The following PAXIP1 variants were observed in gnomAD, a reference collection of about 807,000 sequenced individuals.
PAXIP1 encodes the protein PAX interacting protein 1.
In PAXIP1, 19 loss-of-function variants were observed where a neutral mutation model predicts 140.6. The ratio of observed to expected loss-of-function variants is 0.14; its 90% confidence interval spans 0.09 to 0.20. The LOEUF (loss-of-function observed/expected upper bound fraction) is 0.20, where lower values mean the gene tolerates loss of function less well. Among genes scored for constraint, PAXIP1 ranks in the 10% least tolerant of loss-of-function variants. The pLI is 1.00. For synonymous variants in PAXIP1, 442 were observed against 444.6 expected (o/e 0.99, Z 0.07); for missense variants, 920 against 1,208.6 (o/e 0.76, Z 3.54).
rs1218197104 is a variant in PAXIP1 at position 154,977,624 on chromosome 7, TGGGA to T, written c.439-1297_439-1294del. 3.3e-5 allele frequency among the ~76,000 whole-genome samples: 5 copies of T among 152,300 alleles called. No individual in the cohort carries two copies. The East Asian group carries it at 9.7e-4, about 29-fold the overall frequency. The stretch of plus-strand genomic sequence containing the variant: ...TTAAAATATAAGAAAAACCTAGTCA[TGGGA>T]GACACCCATGAATAAGAAGCTAAGC... On this transcript the variant is annotated intron_variant, in intron 5 of 20. Transcript: ENST00000404141.
intron 2 of PAXIP1, among the ~76,000 whole-genome samples, chr7:154,996,512 G>A (rs971247559): frequency 3.3e-5 from 5 of 152,250 alleles, no homozygotes; most frequent in African/African-American, 1.2e-4. Flanking sequence ...ACTTTCCCAG[G>A]AATATGAATA....
At chr7:154,985,276 T>G (rs1286371324) in intron 4 of PAXIP1, among the ~76,000 whole-genome samples, 1 of 152,192 alleles carries the variant, frequency 6.6e-6, no homozygotes, top group African/African-American at 2.4e-5. Context: ...AGTGCTTTTC[T>G]TTTTTAAAAA....
Position 154,946,992 on chromosome 7 carries a change from A to C in PAXIP1, c.2923-179T>G, listed in dbSNP as rs1808012424. ...AGTGGAAGAGGAATCCAGCTATGTA[A>C]ATTTGGAATGTAAGCATTTTCACAT... On this transcript the variant is annotated intron_variant, in intron 17 of 20. Transcript: ENST00000404141. The surrounding 1 kb of genome is among the most constrained non-coding windows in gnomAD (Gnocchi z 4.9). The C allele has an allele frequency of 5.9e-6, 3 of 509,002 alleles. No homozygotes were observed. Among genetic ancestry groups the C allele is most frequent in the Non-Finnish European group, 6.9e-6 (2 of 289,260 alleles). The allele number at this position is 509,002 out of a possible 1,614,324, so 31.5% of individuals were successfully genotyped here.
Position 154,946,777 on chromosome 7 carries a change from T to C in PAXIP1, c.2959A>G (p.Ser987Gly). 1 of 1,610,678 alleles carries C rather than the reference T, an allele frequency of 6.2e-7. No homozygotes were observed. Residue 987 changes from serine to glycine, a missense_variant, in exon 18 of 21, where the codon AGT (serine) becomes GGT (glycine). Ser to Gly is a moderately conservative substitution (Grantham distance 56). This residue lies in a region of PAXIP1 where 303 missense variants were observed against 517.9 expected (regional missense o/e 0.59). Transcript: ENST00000404141. The surrounding 1 kb of genome is among the most constrained non-coding windows in gnomAD (Gnocchi z 4.9). ...ACGATTGCCTTCATAGTGGAAAGAC[T>C]TGGGCAGATTCCAGGTGTGATGTAA... ...YFYITPGICP[S>G]LSTMKAIVEC...
intron 5 of PAXIP1, 79 bp from the exon 6 acceptor site, chr7:154,976,410 AACTC>A (rs1467105503): frequency 3.3e-6 from 5 of 1,504,256 alleles, no homozygotes; most frequent in Admixed American, 2.3e-5. Flanking sequence ...TTTTAGAAAA[AACTC>A]AGTCAAGGAA....
intron 3 of PAXIP1, among the ~76,000 whole-genome samples, chr7:154,993,135 G>A (rs1002891316): frequency 5.9e-5 from 9 of 152,262 alleles, no homozygotes; most frequent in Middle Eastern, 3.4e-3. Flanking sequence ...GTAAACAGGA[G>A]GCCTGTAGAA....
chr7:154,967,577 T>C (rs1809078563), intron 8 of PAXIP1: 2 of 485,968 alleles, frequency 4.1e-6, no homozygotes, highest in African/African-American at 1.9e-5. Flanking sequence ...TAGTGCCCCC[T>C]GGAATTTCCA....
Position 154,986,138 on chromosome 7 carries a change from T to C in PAXIP1, c.325-2806A>G. On this transcript the variant is annotated intron_variant, in intron 4 of 20. Coordinates refer to ENST00000404141, the MANE Select transcript of PAXIP1 (RefSeq NM_007349.4). This position sits in a 1 kb window ranked among gnomAD's most constrained non-coding sequence, Gnocchi z 4.8. Reference sequence around the variant, plus strand: ...CTTCCCTACCTCTCCCTGGGAGAGCTCTGGAAGACTCCAACAAAGAGCTCC... The same window carrying C: ...CTTCCCTACCTCTCCCTGGGAGAGCCCTGGAAGACTCCAACAAAGAGCTCC... The C allele has an allele frequency of 7.3e-7, 1 of 1,362,800 alleles. No individual in the cohort carries two copies. Among genetic ancestry groups the C allele is most frequent in the Non-Finnish European group, 9.8e-7 (1 of 1,020,436 alleles). The allele number at this position is 1,362,800 out of a possible 1,614,324, so 84.4% of individuals were successfully genotyped here.
chr7:154,961,034 G>A lies in PAXIP1; in HGVS notation c.2293C>T (p.Pro765Ser). 6.3e-7 allele frequency: 1 copy of A among 1,599,492 alleles called. No homozygotes were observed. The highest frequency in any genetic ancestry group is 8.5e-7 in the Non-Finnish European group (1 of 1,172,538). Residue 765 changes from proline to serine, a missense_variant, in exon 12 of 21, where the codon CCC (proline) becomes TCC (serine). This residue lies in a region of PAXIP1 where 303 missense variants were observed against 517.9 expected (regional missense o/e 0.59). Coordinates refer to ENST00000404141, the MANE Select transcript of PAXIP1 (RefSeq NM_007349.4). ...KYEKAKEWRIPCVNAQWLGDI... is the reference protein window; with the variant it reads ...KYEKAKEWRISCVNAQWLGDI... The stretch of plus-strand genomic sequence containing the variant: ...CCAAGCCACTGGGCGTTGACACAGG[G>A]TATCCTCCACTCTTTGGCTTTTTCA...
rs564672023 is a variant in PAXIP1, at chr7:154,986,458, T to C, written c.325-3126A>G. Among the ~76,000 whole-genome samples the C allele has an allele frequency of 2.0e-4, 30 of 152,314 alleles. No individual in the cohort carries two copies. The highest frequency in any genetic ancestry group is 7.0e-4 in the African/African-American group (29 of 41,560). On this transcript the variant is annotated intron_variant, in intron 4 of 20. Transcript: ENST00000404141. This position sits in a 1 kb window ranked among gnomAD's most constrained non-coding sequence, Gnocchi z 4.8. ...GACCCCTCCTAGACTGTATGTTTACTGAGAGAGAAATCGCATCTTAATTAA... is the reference window on the plus strand; with the variant it reads ...GACCCCTCCTAGACTGTATGTTTACCGAGAGAGAAATCGCATCTTAATTAA...
At chr7:155,002,827 G>A in intron 1 of PAXIP1, 22 bp downstream of exon 1, 1 of 1,353,048 alleles carries the variant, frequency 7.4e-7, no homozygotes. Context: ...GGAGGAGGCC[G>A]CGGCAGGGGC....
intron 1 of PAXIP1, chr7:155,002,198 T>C (rs1317908378): frequency 6.6e-6 from 1 of 152,218 alleles, no homozygotes; most frequent in Admixed American, 6.5e-5. Flanking sequence ...CAAAATTAAA[T>C]GTGTAATGTG....
In PAXIP1 at chr7:154,944,089, G is replaced by A. The variant is rs186131982; in HGVS notation, c.*60C>T. 17 of 1,583,064 alleles carry A rather than the reference G, an allele frequency of 1.1e-5. No homozygotes were observed. In the African/African-American group the frequency reaches 1.3e-4, roughly 13 times the overall value. The stretch of plus-strand genomic sequence containing the variant: ...TGTGAAGGAAGCGCAGCAGCTCCTC[G>A]CCAGCCAGACAGCCAGCCCCGCACC... On this transcript the variant is annotated 3_prime_UTR_variant, in exon 21 of 21. Transcript: ENST00000404141.
Position 154,976,319 on chromosome 7 carries a change from A to C in PAXIP1, c.451T>G (p.Cys151Gly). The change falls in exon 6 of 21, where the codon TGT (cysteine) becomes GGT (glycine). Residue 151 changes from cysteine (C) to glycine (G), a missense_variant. By Grantham distance (159) the Cys-to-Gly change is radical (BLOSUM62 -3). Transcript: ENST00000404141. ...VPEPKGEKYE[C>G]ALKRASIKIV... ...TTAATACTTGCTCGCTTTAAAGCAC[A>C]TTCGTATTTCTCCTACGAGGAAAGC... 6.3e-7 allele frequency: 1 copy of C among 1,581,810 alleles called. No individual in the cohort carries two copies. The highest frequency in any genetic ancestry group is 8.6e-7 in the Non-Finnish European group (1 of 1,164,142).
intron 4 of PAXIP1, among the ~76,000 whole-genome samples, chr7:154,987,246 T>A (rs1342111331): frequency 2.0e-5 from 3 of 152,138 alleles, no homozygotes; most frequent in Non-Finnish European, 4.4e-5. Flanking sequence ...CTATCATCCT[T>A]TTCCTCCTCT....
At chr7:154,976,665 A>AAATATTAT (rs1809596735) in intron 5 of PAXIP1, among the ~76,000 whole-genome samples, 1 of 152,214 alleles carries the variant, frequency 6.6e-6, no homozygotes, top group Non-Finnish European at 1.5e-5. Context: ...AATAATTGCT[A>AAATATTAT]CCTAAGTTTT....
chr7:154,979,086 A>G (rs1292105333), intron 5 of PAXIP1, among the ~76,000 whole-genome samples: 1 of 152,198 alleles, frequency 6.6e-6, no homozygotes, highest in Admixed American at 6.5e-5. Context: ...TTAAACAAAG[A>G]TGATTTAAGA....
intron 4 of PAXIP1, among the ~76,000 whole-genome samples, chr7:154,989,390 T>C (rs1374329273): frequency 6.6e-6 from 1 of 152,206 alleles, no homozygotes; most frequent in East Asian, 1.9e-4. Flanking sequence ...CCATCTTACC[T>C]AATAACTTGA....
chr7:154,960,146 G>C (rs1808696239), intron 12 of PAXIP1, among the ~76,000 whole-genome samples: 1 of 152,224 alleles, frequency 6.6e-6, no homozygotes, highest in Admixed American at 6.5e-5. Flanking sequence ...ATGCTGTCTG[G>C]ATGAAGTAGC....
Sources: allele counts gnomAD v4.1 joint callset (sites outside exome capture counted in the v4.1 genomes callset), GRCh38; gene constraint gnomAD v4.1.1; regional missense constraint gnomAD v4.1.1; non-coding constraint Gnocchi (gnomAD v3.1); transcripts MANE v1.5; gene names NCBI Gene and HGNC (gene_info 2026-07-23, HGNC 2026-07-21).